The following KCNIP3 variants were observed in gnomAD, a reference collection of about 807,000 sequenced individuals.
KCNIP3 encodes the protein calsenilin.
KCNIP3 carries 28 observed loss-of-function variants against 35.0 expected under a neutral mutation model. The ratio of observed to expected loss-of-function variants is 0.80; its 90% confidence interval spans 0.59 to 1.10. KCNIP3 has a LOEUF of 1.10. Among genes scored for constraint, KCNIP3 ranks in the 50% least tolerant of loss-of-function variants. The pLI, the probability that KCNIP3 is intolerant of heterozygous loss-of-function variation, is 0.00. For missense variants in KCNIP3, 295 were observed against 338.4 expected (o/e 0.87, Z 1.01); for synonymous variants, 134 against 133.8 (o/e 1.00, Z -0.01).
At chr2:95,345,698 C>T (rs1679335013) in intron 2 of KCNIP3, among the ~76,000 whole-genome samples, 1 of 152,250 alleles carries the variant, frequency 6.6e-6, no homozygotes, top group Non-Finnish European at 1.5e-5. Context: ...CAGTGCGCCG[C>T]GCCCGCTGGA....
At chr2:95,302,433 C>G (rs891016635) in intron 1 of KCNIP3, among the ~76,000 whole-genome samples, 2 of 152,204 alleles carry the variant, frequency 1.3e-5, no homozygotes, top group African/African-American at 2.4e-5. Flanking sequence ...TCAAACAATC[C>G]AGCTCCTGGG....
intron 2 of KCNIP3, among the ~76,000 whole-genome samples, chr2:95,328,775 T>C (rs1370570319): frequency 1.3e-5 from 2 of 152,312 alleles, no homozygotes; most frequent in African/African-American, 2.4e-5. Context: ...TACCAGACTC[T>C]TGGGGTGGGG....
intron 2 of KCNIP3, among the ~76,000 whole-genome samples, chr2:95,332,189 AC>A (rs1443525677): frequency 6.6e-6 from 1 of 152,240 alleles, no homozygotes; most frequent in African/African-American, 2.4e-5. Context: ...TGAGCCCTCA[AC>A]CAGACTGCAC....
At chr2:95,354,601 A>G (rs1436570166) in intron 2 of KCNIP3, among the ~76,000 whole-genome samples, 1 of 152,126 alleles carries the variant, frequency 6.6e-6, no homozygotes, top group Non-Finnish European at 1.5e-5. Context: ...CCATCCTGGG[A>G]GGTGACCCCA....
At chr2:95,300,668 G>A (rs909297290) in intron 1 of KCNIP3, among the ~76,000 whole-genome samples, 4 of 152,350 alleles carry the variant, frequency 2.6e-5, no homozygotes, top group South Asian at 2.1e-4. Context: ...GAGCAGGTGC[G>A]TCTGTCATCT....
rs1225442135 is a variant in KCNIP3, at chr2:95,384,042, T to G, written c.764T>G (p.Val255Gly). Residue 255 changes from valine (V) to glycine (G), a missense_variant, in exon 9 of 9, where the codon GTC (valine) becomes GGC (glycine). By Grantham distance (109) the Val-to-Gly change is moderately radical. Coordinates refer to ENST00000295225, the MANE Select transcript of KCNIP3 (RefSeq NM_013434.5). ...IMSSMQLFEN[V>G]I Reference sequence around the variant, plus strand: ...AGCTCCATGCAGCTGTTTGAGAATGTCATCTAGGACACGTCCAAAGGAGTG... The same window carrying G: ...AGCTCCATGCAGCTGTTTGAGAATGGCATCTAGGACACGTCCAAAGGAGTG... The G allele has an allele frequency of 3.1e-6, 5 of 1,613,870 alleles. No homozygotes were observed. Among genetic ancestry groups the G allele is most frequent in the Non-Finnish European group, 4.2e-6 (5 of 1,179,944 alleles).
At chr2:95,332,872 G>A (rs1193811665) in intron 2 of KCNIP3, among the ~76,000 whole-genome samples, 1 of 152,110 alleles carries the variant, frequency 6.6e-6, no homozygotes, top group Non-Finnish European at 1.5e-5. Flanking sequence ...TGTCCCTCTG[G>A]GCCTCAATTT....
chr2:95,367,067 G>T (rs1371210327), intron 2 of KCNIP3, among the ~76,000 whole-genome samples: 1 of 152,106 alleles, frequency 6.6e-6, no homozygotes, highest in African/African-American at 2.4e-5. Flanking sequence ...GAGGTCAGGA[G>T]TTCGAGACCA....
chr2:95,343,118 T>C (rs966425855), intron 2 of KCNIP3, among the ~76,000 whole-genome samples: 1 of 151,558 alleles, frequency 6.6e-6, no homozygotes, highest in African/African-American at 2.4e-5. Flanking sequence ...GCTGGGCTGG[T>C]GGCAGTGGGG....
intron 2 of KCNIP3, among the ~76,000 whole-genome samples, chr2:95,326,371 C>G (rs1019929335): frequency 2.0e-5 from 3 of 151,948 alleles, no homozygotes; most frequent in African/African-American, 7.2e-5. Flanking sequence ...CCCCAGTACA[C>G]ACTCACACTC....
At chr2:95,349,337 G>T (rs1320687666) in intron 2 of KCNIP3, among the ~76,000 whole-genome samples, 1 of 152,214 alleles carries the variant, frequency 6.6e-6, no homozygotes, top group Non-Finnish European at 1.5e-5. Context: ...TGCAGTCAGA[G>T]GGGTCTCTTG....
At chr2:95,320,154 G>A (rs1248425766) in intron 2 of KCNIP3, among the ~76,000 whole-genome samples, 1 of 152,162 alleles carries the variant, frequency 6.6e-6, no homozygotes, top group Non-Finnish European at 1.5e-5. Context: ...TGAGAATGAG[G>A]TGGGTGCTGC....
intron 5 of KCNIP3, 29 bp from the exon 6 acceptor site, chr2:95,381,567 T>C: frequency 2.0e-6 from 3 of 1,525,328 alleles, no homozygotes; most frequent in South Asian, 1.1e-5. Context: ...TGATTGGATG[T>C]CACGCCCCAC....
intron 2 of KCNIP3, among the ~76,000 whole-genome samples, chr2:95,364,836 T>C (rs1227019173): frequency 3.3e-5 from 5 of 152,184 alleles, no homozygotes; most frequent in South Asian, 2.1e-4. Flanking sequence ...AAACGTCTTT[T>C]CTTTATAAAT....
At chr2:95,306,638 CA>C (rs926341086) in intron 1 of KCNIP3, among the ~76,000 whole-genome samples, 2 of 151,988 alleles carry the variant, frequency 1.3e-5, no homozygotes, top group African/African-American at 4.8e-5. Context: ...CAGCAGGTGC[CA>C]AGGCGGTGGT....
intron 2 of KCNIP3, among the ~76,000 whole-genome samples, chr2:95,325,987 ACACT>A (rs1201421603): frequency 2.4e-4 from 36 of 151,640 alleles, no homozygotes; most frequent in East Asian, 1.7e-3. Flanking sequence ...ACACTCCTAC[ACACT>A]CACACACACT....
At chr2:95,299,134 G>T in intron 1 of KCNIP3, 1 of 152,362 alleles carries the variant, frequency 6.6e-6, no homozygotes. Context: ...TGGCCATTGT[G>T]ACCCCACACT....
In KCNIP3 at chr2:95,385,793, C is replaced by T. The variant is rs140694377; in HGVS notation, c.*1744C>T. ...TCCCTGGCTCAGGGATCTTCTCCCTCCCCTCACCCGCTGCCCAGCCCTCCC... is the reference window on the plus strand; with the variant it reads ...TCCCTGGCTCAGGGATCTTCTCCCTTCCCTCACCCGCTGCCCAGCCCTCCC... On this transcript the variant is annotated 3_prime_UTR_variant, in exon 9 of 9. Coordinates refer to ENST00000295225, the MANE Select transcript of KCNIP3 (RefSeq NM_013434.5). 1.2e-4 allele frequency: 18 copies of T among 152,906 alleles called. No homozygotes were observed. The highest frequency in any genetic ancestry group is 3.8e-4 in the African/African-American group (16 of 41,598). The allele number at this position is 152,906 out of a possible 1,614,324, so 9.5% of individuals were successfully genotyped here.
At chr2:95,353,706 C>A (rs1424618950) in intron 2 of KCNIP3, among the ~76,000 whole-genome samples, 1 of 152,114 alleles carries the variant, frequency 6.6e-6, no homozygotes, top group Non-Finnish European at 1.5e-5. Context: ...GGCGGGCGAG[C>A]CTGGGTGCTG....
Sources: allele counts gnomAD v4.1 joint callset (sites outside exome capture counted in the v4.1 genomes callset), GRCh38; gene constraint gnomAD v4.1.1; transcripts MANE v1.5; gene names NCBI Gene and HGNC (gene_info 2026-07-23, HGNC 2026-07-21).